Variants in ASXL3 observed in about 807,000 individuals in gnomAD.
The protein encoded by ASXL3 is ASXL transcriptional regulator 3, also known as putative Polycomb group protein ASXL3.
A neutral mutation model predicts 170.6 loss-of-function variants in ASXL3; 34 were observed. That is an observed-to-expected ratio of 0.20 (90% CI 0.15 to 0.27). The LOEUF (loss-of-function observed/expected upper bound fraction) is 0.27, where lower values mean the gene tolerates loss of function less well. Ranked by LOEUF, ASXL3 falls within the 10% of genes least tolerant of loss-of-function variation. The pLI is 1.00. For synonymous variants in ASXL3, 1,002 were observed against 989.1 expected, an observed-to-expected ratio of 1.01 and a Z score of -0.24; for missense variants, 2,592 against 2,695.3, an observed-to-expected ratio of 0.96 and a Z score of 0.85.
At chr18:33,646,205 A>C in intron 3 of ASXL3, 40 bp from the exon 4 acceptor site, 1 of 1,525,480 alleles carries the variant, frequency 6.6e-7, no homozygotes, top group Non-Finnish European at 9.1e-7. Context: ...AGTTGCTAAT[A>C]CATCTTCTCC....
chr18:33,717,729 TTTTG>T (rs914125891), intron 8 of ASXL3, among the ~76,000 whole-genome samples: 3 of 152,040 alleles, frequency 2.0e-5, no homozygotes, highest in African/African-American at 7.2e-5. Flanking sequence ...GGTTTATTGT[TTTTG>T]TTTTGTTTTG....
At chr18:33,638,739 T>C (rs2065806193) in intron 2 of ASXL3, among the ~76,000 whole-genome samples, 1 of 152,184 alleles carries the variant, frequency 6.6e-6, no homozygotes. Context: ...CTCAGTCATG[T>C]CTATAAAACT....
intron 5 of ASXL3, among the ~76,000 whole-genome samples, chr18:33,662,801 A>C (rs1365189495): frequency 6.6e-6 from 1 of 152,180 alleles, no homozygotes; most frequent in Non-Finnish European, 1.5e-5. Context: ...ATCACAAGGA[A>C]AAGAAAAATT....
intron 2 of ASXL3, among the ~76,000 whole-genome samples, chr18:33,642,551 A>G (rs548496830): frequency 2.6e-4 from 39 of 152,102 alleles, no homozygotes; most frequent in African/African-American, 9.1e-4. Context: ...TTGAAATAAA[A>G]CAAGTTTCTT....
At chr18:33,621,326 C>T (rs931149989) in intron 2 of ASXL3, among the ~76,000 whole-genome samples, 2 of 151,968 alleles carry the variant, frequency 1.3e-5, no homozygotes, top group Non-Finnish European at 2.9e-5. Context: ...AAGGCTGAAC[C>T]CTGTGTAAAG....
In ASXL3 at chr18:33,708,536, CA is replaced by C. The variant is rs1401473035; in HGVS notation, c.880-23431del. Among the ~76,000 whole-genome samples, 4 of 152,220 alleles carry C rather than the reference CA, an allele frequency of 2.6e-5. No individual in the cohort carries two copies. In the East Asian group the frequency reaches 7.7e-4, roughly 29 times the overall value. ...CTTCCAGTCCATAAGTACTATATAA[CA>C]CCCTCTCCCATCTTCTGATTTTGTA... On this transcript the variant is annotated intron_variant, in intron 8 of 11. Coordinates refer to ENST00000269197, the MANE Select transcript of ASXL3 (RefSeq NM_030632.3).
chr18:33,640,531 A>C (rs530013690), intron 2 of ASXL3, among the ~76,000 whole-genome samples: 3 of 152,180 alleles, frequency 2.0e-5, no homozygotes, highest in Non-Finnish European at 4.4e-5. Context: ...AATAAATCTA[A>C]GTGTACATTA....
At chr18:33,582,485 T>A (rs557969426) in intron 1 of ASXL3, among the ~76,000 whole-genome samples, 2 of 152,320 alleles carry the variant, frequency 1.3e-5, no homozygotes, top group African/African-American at 4.8e-5. Context: ...CTTTGTTCTA[T>A]AGGGAATGCT....
intron 1 of ASXL3, chr18:33,579,233 TTA>T (rs1292005721): frequency 6.6e-6 from 1 of 152,638 alleles, no homozygotes; most frequent in Non-Finnish European, 1.5e-5. Context: ...GTCGTGTGCA[TTA>T]TGTGTGCACA....
chr18:33,717,605 C>T (rs1002082252), intron 8 of ASXL3, among the ~76,000 whole-genome samples: 7 of 152,192 alleles, frequency 4.6e-5, no homozygotes, highest in Non-Finnish European at 1.0e-4. Context: ...AATTTTCTAA[C>T]TTGAAATCAA....
chr18:33,707,878 G>A (rs1243263113), intron 8 of ASXL3, among the ~76,000 whole-genome samples: 1 of 152,002 alleles, frequency 6.6e-6, no homozygotes, highest in African/African-American at 2.4e-5. Context: ...ATCACAAACA[G>A]TGCTTTCTGT....
intron 4 of ASXL3, among the ~76,000 whole-genome samples, chr18:33,655,510 A>G (rs1366779889): frequency 6.6e-6 from 1 of 152,010 alleles, no homozygotes; most frequent in African/African-American, 2.4e-5. Flanking sequence ...TTTCTTGGCA[A>G]CTTATATCCT....
intron 4 of ASXL3, among the ~76,000 whole-genome samples, chr18:33,653,985 T>A (rs944168518): frequency 1.3e-5 from 2 of 152,030 alleles, no homozygotes; most frequent in African/African-American, 4.8e-5. Context: ...TTCTTTTATC[T>A]TTTAGAGACC....
intron 8 of ASXL3, among the ~76,000 whole-genome samples, chr18:33,720,650 A>AGTTT (rs912019996): frequency 1.3e-5 from 2 of 152,098 alleles, no homozygotes; most frequent in East Asian, 3.9e-4. Context: ...GTCCTCCACA[A>AGTTT]GTTTGTTTGT....
rs756171085 is a variant in ASXL3 at position 33,739,745 on chromosome 18, C to T, written c.2341C>T (p.Pro781Ser). The T allele has an allele frequency of 6.2e-7, 1 of 1,613,838 alleles. No individual in the cohort carries two copies. Among genetic ancestry groups the T allele is most frequent in the East Asian group, 2.2e-5 (1 of 44,852 alleles). ...TTCTGTATCTGAAGAGCCACTCTCC[C>T]CGCAGAAAGATGAGTCTTCCGCCAC... ...SPSVSEEPLS[P>S]QKDESSATAK... The change falls in exon 11 of 12, where the codon CCG (proline) becomes TCG (serine). Residue 781 changes from proline (P) to serine (S), a missense_variant. Transcript: ENST00000269197.
At chr18:33,672,306 C>T (rs998953395) in intron 7 of ASXL3, among the ~76,000 whole-genome samples, 1 of 152,070 alleles carries the variant, frequency 6.6e-6, no homozygotes, top group Non-Finnish European at 1.5e-5. Flanking sequence ...CTCTTCCTTG[C>T]TTTTTGTCTA....
rs1252651604 is a variant in ASXL3 at position 33,739,896 on chromosome 18, A to G, written c.2492A>G (p.Lys831Arg). ...EAFPSEDLHNKTLSQQTCKSH... is the reference protein window; with the variant it reads ...EAFPSEDLHNRTLSQQTCKSH... ...TTTCCGTCTGAAGATTTGCACAATAAGACCCTGAGTCAGCAAACCTGTAAA... is the reference window on the plus strand; with the variant it reads ...TTTCCGTCTGAAGATTTGCACAATAGGACCCTGAGTCAGCAAACCTGTAAA... The change falls in exon 11 of 12, where the codon AAG becomes AGG. Residue 831 changes from lysine to arginine, a missense_variant. Physicochemically the swap from Lys to Arg is conservative, Grantham distance 26. Transcript: ENST00000269197. 1 of 1,613,850 alleles carries G rather than the reference A, an allele frequency of 6.2e-7. No homozygotes were observed. The highest frequency in any genetic ancestry group is 1.3e-5 in the African/African-American group (1 of 74,914).
chr18:33,743,013 A>C lies in ASXL3; in HGVS notation c.3165A>C (p.Ala1055=). ...GGAACACAGGAGCCAGGACCCTCGC[A>C]GATATCAAGGCCCGGGCCCAACAAG... ...GGRNTGARTL[A]DIKARAQQAR... Residue 1055 remains alanine (A), a synonymous_variant, in exon 12 of 12, where the codon GCA becomes GCC. Coordinates refer to ENST00000269197, the MANE Select transcript of ASXL3 (RefSeq NM_030632.3). 1.2e-6 allele frequency: 2 copies of C among 1,613,844 alleles called. No homozygotes were observed. Among genetic ancestry groups the C allele is most frequent in the South Asian group, 2.2e-5 (2 of 91,072 alleles).
At chr18:33,705,191 A>G (rs533024231) in intron 8 of ASXL3, among the ~76,000 whole-genome samples, 11 of 151,390 alleles carry the variant, frequency 7.3e-5, no homozygotes, top group South Asian at 2.1e-4. Flanking sequence ...ATATGCATGC[A>G]TAAAATTTAT....
Sources: allele counts gnomAD v4.1 joint callset (sites outside exome capture counted in the v4.1 genomes callset), GRCh38; gene constraint gnomAD v4.1.1; transcripts MANE v1.5; gene names NCBI Gene and HGNC (gene_info 2026-07-23, HGNC 2026-07-21).